Variants in EFNA5 observed in about 807,000 individuals in gnomAD.
EFNA5 encodes ephrin A5.
In EFNA5, 5 loss-of-function variants were observed where a neutral mutation model predicts 22.9. That is an observed-to-expected ratio of 0.22 (90% CI 0.11 to 0.46). The LOEUF (loss-of-function observed/expected upper bound fraction) is 0.46, where lower values mean the gene tolerates loss of function less well. Ranked by LOEUF, EFNA5 falls within the 20% of genes least tolerant of loss-of-function variation. The pLI, the probability that EFNA5 is intolerant of heterozygous loss-of-function variation, is 0.99. For missense variants in EFNA5, 237 were observed against 293.3 expected (o/e 0.81, Z 1.40); for synonymous variants, 113 against 112.2 (o/e 1.01, Z -0.04).
intron 1 of EFNA5, among the ~76,000 whole-genome samples, chr5:107,495,540 C>T (rs1746954184): frequency 6.6e-6 from 1 of 152,210 alleles, no homozygotes; most frequent in African/African-American, 2.4e-5. Context: ...AGGCAGTAAG[C>T]ATCCATGAAT....
chr5:107,624,912 C>CTTAATACTTAAACAT (rs1409922855), intron 1 of EFNA5, among the ~76,000 whole-genome samples: 1 of 152,064 alleles, frequency 6.6e-6, no homozygotes, highest in Non-Finnish European at 1.5e-5. Flanking sequence ...CATTCATTTA[C>CTTAATACTTAAACAT]CAACTACTTA....
At chr5:107,485,031 A>G (rs1746562321) in intron 1 of EFNA5, among the ~76,000 whole-genome samples, 1 of 152,088 alleles carries the variant, frequency 6.6e-6, no homozygotes, top group African/African-American at 2.4e-5. Flanking sequence ...TAGGAAATAC[A>G]AATTAAGAAA....
intron 1 of EFNA5, among the ~76,000 whole-genome samples, chr5:107,597,677 C>T (rs937617126): frequency 6.6e-6 from 1 of 152,112 alleles, no homozygotes; most frequent in African/African-American, 2.4e-5. Context: ...ATTAAGTGTA[C>T]TCAAGCCTTG....
chr5:107,427,146 G>T (rs2112420854), intron 2 of EFNA5, 71 bp downstream of exon 2: 4 of 1,554,534 alleles, frequency 2.6e-6, no homozygotes, highest in Non-Finnish European at 3.5e-6. Flanking sequence ...GCAATTCTCT[G>T]AAACATGGGT....
At position 107,532,967 on chromosome 5, in the gene EFNA5, G is replaced by T. The variant is rs568166247; in HGVS notation, c.126-105458C>A. Among the ~76,000 whole-genome samples the T allele has an allele frequency of 4.6e-5, 7 of 152,234 alleles. No homozygotes were observed. The East Asian group carries it at 1.2e-3, about 25-fold the overall frequency. ...TTGTGCACAGATTTTTGAAAATAGA[G>T]TACAATAAATTCCATGCACCACAGC... On this transcript the variant is annotated intron_variant, in intron 1 of 4. Coordinates refer to ENST00000333274, the MANE Select transcript of EFNA5 (RefSeq NM_001962.3).
At chr5:107,604,284 A>G (rs1342328606) in intron 1 of EFNA5, among the ~76,000 whole-genome samples, 2 of 152,016 alleles carry the variant, frequency 1.3e-5, no homozygotes, top group Non-Finnish European at 2.9e-5. Flanking sequence ...GGCTCAAGCA[A>G]TCGTCCTGCC....
At chr5:107,579,439 C>CTGAA (rs2112493206) in intron 1 of EFNA5, among the ~76,000 whole-genome samples, 1 of 152,200 alleles carries the variant, frequency 6.6e-6, no homozygotes, top group East Asian at 1.9e-4. Flanking sequence ...AGGTCTGCTG[C>CTGAA]TGAAGTCTTT....
At chr5:107,592,256 T>C (rs540317395) in intron 1 of EFNA5, among the ~76,000 whole-genome samples, 61 of 150,384 alleles carry the variant, frequency 4.1e-4, no homozygotes, top group Non-Finnish European at 7.2e-4. Flanking sequence ...TGTATTCAAG[T>C]ATATTTTCAA....
At chr5:107,494,244 G>T (rs1746899575) in intron 1 of EFNA5, among the ~76,000 whole-genome samples, 1 of 152,122 alleles carries the variant, frequency 6.6e-6, no homozygotes, top group Non-Finnish European at 1.5e-5. Context: ...AGGGAGGTGT[G>T]GAGGCGGAGG....
chr5:107,569,373 ATATATATATTTTTATGTATATGTGTG>A (rs1748726365), intron 1 of EFNA5, among the ~76,000 whole-genome samples: 1 of 132,468 alleles, frequency 7.5e-6, no homozygotes, highest in African/African-American at 3.6e-5. Flanking sequence ...ACGTGTATAT[ATATATATATTTTTATGTATATGTGTG>A]TATATATATA....
chr5:107,533,213 G>T (rs1394999749), intron 1 of EFNA5, among the ~76,000 whole-genome samples: 1 of 152,148 alleles, frequency 6.6e-6, no homozygotes, highest in African/African-American at 2.4e-5. Flanking sequence ...GATCTCATTT[G>T]TCATCCTATT....
intron 1 of EFNA5, among the ~76,000 whole-genome samples, chr5:107,525,281 T>C (rs986575360): frequency 6.6e-5 from 10 of 152,278 alleles, no homozygotes; most frequent in Non-Finnish European, 1.3e-4. Flanking sequence ...TGTATATAGA[T>C]ATGTGTGTGT....
At chr5:107,412,154 T>C (rs1748384557) in intron 2 of EFNA5, among the ~76,000 whole-genome samples, 1 of 152,204 alleles carries the variant, frequency 6.6e-6, no homozygotes, top group African/African-American at 2.4e-5. Flanking sequence ...TGGGTGATAC[T>C]AACTTTGGGC....
intron 2 of EFNA5, among the ~76,000 whole-genome samples, chr5:107,392,783 C>T (rs189366528): frequency 6.6e-6 from 1 of 152,328 alleles, no homozygotes; most frequent in African/African-American, 2.4e-5. Context: ...CATGCCCTTG[C>T]TCCCACAGAG....
Position 107,497,105 on chromosome 5 carries a change from G to T in EFNA5, c.126-69596C>A, listed in dbSNP as rs371563215. Among the ~76,000 whole-genome samples, 5 of 152,324 alleles carry T rather than the reference G, an allele frequency of 3.3e-5. No individual in the cohort carries two copies. The East Asian group carries it at 9.6e-4, about 29-fold the overall frequency. On this transcript the variant is annotated intron_variant, in intron 1 of 4. Transcript: ENST00000333274. Reference sequence around the variant, plus strand: ...TAAGACAATTTGGGCCTAGAAGCTGGTTAGTAAGTTGCCATGGTATCGCGA... The same window carrying T: ...TAAGACAATTTGGGCCTAGAAGCTGTTTAGTAAGTTGCCATGGTATCGCGA...
intron 1 of EFNA5, among the ~76,000 whole-genome samples, chr5:107,537,849 G>A (rs1334159504): frequency 2.0e-5 from 3 of 152,192 alleles, no homozygotes; most frequent in Non-Finnish European, 4.4e-5. Flanking sequence ...CTATGGTCGT[G>A]AGACCTCAGA....
At chr5:107,622,117 A>G (rs1367199834) in intron 1 of EFNA5, among the ~76,000 whole-genome samples, 5 of 152,024 alleles carry the variant, frequency 3.3e-5, no homozygotes, top group African/African-American at 1.2e-4. Context: ...CAATGTGACA[A>G]GTCTAAATAT....
intron 1 of EFNA5, among the ~76,000 whole-genome samples, chr5:107,637,890 A>G (rs1020277170): frequency 3.3e-5 from 5 of 151,784 alleles, no homozygotes; most frequent in Non-Finnish European, 7.4e-5. Context: ...TCTGTCGCCC[A>G]GGCTGGAGTG....
intron 1 of EFNA5, among the ~76,000 whole-genome samples, chr5:107,574,954 AGT>A (rs1407571171): frequency 2.0e-5 from 3 of 152,220 alleles, no homozygotes; most frequent in Admixed American, 6.5e-5. Flanking sequence ...GCCCATCATC[AGT>A]GAAGATGCTG....
Sources: gnomAD v4.1 joint callset for allele counts (sites outside exome capture counted in the v4.1 genomes callset) on GRCh38, gnomAD v4.1.1 for gene constraint, MANE v1.5 for transcripts, NCBI Gene and HGNC (gene_info 2026-07-23, HGNC 2026-07-21) for gene names.